Variants in TUBB8 observed in about 807,000 individuals in gnomAD.
The protein encoded by TUBB8 is tubulin beta-8 chain.
TUBB8 carries 25 observed loss-of-function variants against 33.7 expected under a neutral mutation model. That is an observed-to-expected ratio of 0.74 (90% confidence interval 0.54 to 1.04). The LOEUF (loss-of-function observed/expected upper bound fraction) is 1.04, where lower values mean the gene tolerates loss of function less well. Ranked by LOEUF, TUBB8 falls within the 50% of genes least tolerant of loss-of-function variation. The pLI is 0.00. For synonymous variants in TUBB8, 245 were observed against 240.1 expected, an observed-to-expected ratio of 1.02 and a Z score of -0.19; for missense variants, 279 against 608.0, an observed-to-expected ratio of 0.46 and a Z score of 5.69.
At chr10:64,320 A>C (rs1175910079) in intron 1 of TUBB8, among the ~76,000 whole-genome samples, 3 of 128,560 alleles carry the variant, frequency 2.3e-5, no homozygotes, top group African/African-American at 8.5e-5. Context: ...CCCTAACCCT[A>C]GTCCTAGCCT....
intron 1 of TUBB8, among the ~76,000 whole-genome samples, chr10:69,588 T>C (rs1273312992): frequency 6.6e-6 from 1 of 152,034 alleles, no homozygotes; most frequent in South Asian, 2.1e-4. Context: ...AATCTCAGTG[T>C]TGAACGAAAG....
In TUBB8 at chr10:47,800, C is replaced by T. The variant is rs781999240; in HGVS notation, c.592G>A (p.Glu198Lys). Reference protein sequence around the residue: ...SVHQLIENADETFCIDNEALY... With the variant: ...SVHQLIENADKTFCIDNEALY... The stretch of plus-strand genomic sequence containing the variant: ...GCTTCGTTATCTATGCAAAAGGTCT[C>T]ATCTGCGTTTTCTATGAGCTGGTGG... Residue 198 changes from glutamate to lysine, a missense_variant, in exon 4 of 4, where the codon GAG becomes AAG. Glu to Lys is a moderately conservative substitution (Grantham distance 56). Around this residue, in one of 4 missense-constraint regions of TUBB8, gnomAD observed 96 missense variants for 233.7 expected, o/e 0.41. Transcript: ENST00000568584. 4 of 1,614,222 alleles carry T rather than the reference C, an allele frequency of 2.5e-6. No homozygotes were observed. Among genetic ancestry groups the T allele is most frequent in the Non-Finnish European group, 3.4e-6 (4 of 1,180,044 alleles).
intron 1 of TUBB8, among the ~76,000 whole-genome samples, chr10:73,033 G>T (rs1351323501): frequency 1.2e-4 from 18 of 151,712 alleles, no homozygotes; most frequent in African/African-American, 4.1e-4. Flanking sequence ...TCATGTCAAA[G>T]CTTGATATAG....
chr10:59,639 T>C (rs1377724170), intron 1 of TUBB8, among the ~76,000 whole-genome samples: 1 of 152,264 alleles, frequency 6.6e-6, no homozygotes, highest in Non-Finnish European at 1.5e-5. Flanking sequence ...AATTTTTGCA[T>C]CAATATTCTC....
At chr10:72,203 C>A (rs1834745831) in intron 1 of TUBB8, among the ~76,000 whole-genome samples, 1 of 148,214 alleles carries the variant, frequency 6.7e-6, no homozygotes. Context: ...TTAGCCTGGG[C>A]AACAGGAGCT....
chr10:62,789 T>C (rs1554741072), intron 1 of TUBB8, among the ~76,000 whole-genome samples: 1 of 152,198 alleles, frequency 6.6e-6, no homozygotes, highest in African/African-American at 2.4e-5. Context: ...CTTTTTTTTC[T>C]TCAGCTTTTC....
intron 1 of TUBB8, among the ~76,000 whole-genome samples, chr10:56,212 C>T (rs1554740141): frequency 1.3e-5 from 2 of 152,084 alleles, no homozygotes; most frequent in Non-Finnish European, 2.9e-5. Flanking sequence ...GGTAAATTCC[C>T]ACACATTTTG....
intron 1 of TUBB8, among the ~76,000 whole-genome samples, chr10:68,991 C>T (rs1554741981): frequency 1.3e-5 from 2 of 151,958 alleles, no homozygotes; most frequent in South Asian, 4.1e-4. Context: ...CCTGCGTTCC[C>T]AGGGGAAACA....
At chr10:73,928 C>G (rs868988082) in intron 1 of TUBB8, 1 of 152,202 alleles carries the variant, frequency 6.6e-6, no homozygotes, top group African/African-American at 2.5e-5. Context: ...CCGCGCTCGC[C>G]CCGCTGCACT....
At chr10:62,715 A>C (rs1554741061) in intron 1 of TUBB8, among the ~76,000 whole-genome samples, 1 of 152,198 alleles carries the variant, frequency 6.6e-6, no homozygotes, top group East Asian at 1.9e-4. Context: ...TGTCGGAAAA[A>C]GTTCTCATTT....
At chr10:68,651 A>G (rs1310017671) in intron 1 of TUBB8, among the ~76,000 whole-genome samples, 1 of 152,244 alleles carries the variant, frequency 6.6e-6, no homozygotes, top group African/African-American at 2.4e-5. Context: ...ATAGCAGTGT[A>G]AAGTGTAACT....
intron 1 of TUBB8, among the ~76,000 whole-genome samples, chr10:57,837 T>A (rs1215339593): frequency 6.6e-6 from 1 of 151,998 alleles, no homozygotes; most frequent in Non-Finnish European, 1.5e-5. Flanking sequence ...TATACAAATA[T>A]CTCTAACAAG....
chr10:55,375 C>T (rs1275099330), intron 1 of TUBB8, among the ~76,000 whole-genome samples: 2 of 152,234 alleles, frequency 1.3e-5, no homozygotes, highest in Non-Finnish European at 2.9e-5. Flanking sequence ...CAAAGGCTAA[C>T]CATATCACAT....
At chr10:50,870 TA>T (rs1554739494), upstream of TUBB8, among the ~76,000 whole-genome samples, 2 of 152,226 alleles carry the variant, frequency 1.3e-5, no homozygotes, top group Non-Finnish European at 2.9e-5. Context: ...TCCTGATGCA[TA>T]AAACAACTTG....
chr10:47,237 A>T lies in TUBB8; in HGVS notation c.1155T>A (p.Phe385Leu). 6.2e-7 allele frequency: 1 copy of T among 1,606,324 alleles called. No individual in the cohort carries two copies. Residue 385 changes from phenylalanine (F) to leucine (L), a missense_variant, in exon 4 of 4, where the codon TTT (phenylalanine) becomes TTA (leucine). By Grantham distance (22) the Phe-to-Leu change is conservative. This residue lies in a region of TUBB8 where 123 missense variants were observed against 228.9 expected (regional missense o/e 0.54). Transcript: ENST00000568584. ...QELFKRVSEQ[F>L]TAMFRRKAFL... ...AGGCCTTGCGCCTGAACATTGCTGT[A>T]AACTGCTCTGAGACACGCTTGAAGA...
intron 1 of TUBB8, among the ~76,000 whole-genome samples, chr10:57,694 C>T (rs1318705817): frequency 2.5e-4 from 38 of 152,318 alleles, no homozygotes; most frequent in African/African-American, 7.7e-4. Flanking sequence ...AGTTCCTGGG[C>T]CTGATCCCAG....
At chr10:55,239 T>G (rs1834515352) in intron 1 of TUBB8, among the ~76,000 whole-genome samples, 3 of 152,170 alleles carry the variant, frequency 2.0e-5, no homozygotes, top group African/African-American at 4.8e-5. Flanking sequence ...TCAGATCTCA[T>G]GAGAACTCAC....
At chr10:72,255 A>T (rs1430481978) in intron 1 of TUBB8, among the ~76,000 whole-genome samples, 4 of 41,960 alleles carry the variant, frequency 9.5e-5, no homozygotes, top group East Asian at 7.3e-4. Flanking sequence ...TTTTTTAATT[A>T]AAAAAAAAAA....
At chr10:61,695 G>A (rs191341703) in intron 1 of TUBB8, among the ~76,000 whole-genome samples, 437 of 151,636 alleles carry the variant, frequency 2.9e-3, no homozygotes, top group African/African-American at 9.9e-3. Context: ...CTAAAGTAGG[G>A]TGTCGAAGTG....
Sources: allele counts gnomAD v4.1 joint callset (sites outside exome capture counted in the v4.1 genomes callset), GRCh38; gene constraint gnomAD v4.1.1; regional missense constraint gnomAD v4.1.1; transcripts MANE v1.5; gene names NCBI Gene and HGNC (gene_info 2026-07-23, HGNC 2026-07-21).